EIF3E: variants seen among roughly 807,000 people sequenced by gnomAD.
The protein encoded by EIF3E is eukaryotic translation initiation factor 3 subunit E.
Under a neutral mutation model 59.3 loss-of-function variants are expected in EIF3E, and 25 were observed. That is an observed-to-expected ratio of 0.42 (90% confidence interval 0.31 to 0.59). EIF3E has a LOEUF of 0.59. Ranked by LOEUF, EIF3E falls within the 20% of genes least tolerant of loss-of-function variation. EIF3E has a pLI of 0.15. For missense variants in EIF3E, 317 were observed against 534.3 expected (o/e 0.59, Z 4.01); for synonymous variants, 176 against 170.2 (o/e 1.03, Z -0.26).
rs1335208384 is a variant in EIF3E, at chr8:108,248,707, C to A, written c.-5G>T. 1 of 1,614,080 alleles carries A rather than the reference C, an allele frequency of 6.2e-7. No homozygotes were observed. The highest frequency in any genetic ancestry group is 8.5e-7 in the Non-Finnish European group (1 of 1,179,966). ...AGTCAAGTCGTACTCCGCCATCTTG[C>A]CAAAGAAAAGGGAGTCTGTGCTCAC... On this transcript the variant is annotated 5_prime_UTR_variant, in exon 1 of 13. Coordinates refer to ENST00000220849, the MANE Select transcript of EIF3E (RefSeq NM_001568.3).
chr8:108,238,331 C>A (rs1203199623), intron 3 of EIF3E, among the ~76,000 whole-genome samples: 1 of 152,068 alleles, frequency 6.6e-6, no homozygotes, highest in African/African-American at 2.4e-5. Flanking sequence ...ACCTTGCCTA[C>A]CCCCTACTCA....
chr8:108,246,622 A>G (rs1235223015), intron 1 of EIF3E, among the ~76,000 whole-genome samples: 2 of 152,042 alleles, frequency 1.3e-5, no homozygotes, highest in Non-Finnish European at 2.9e-5. Context: ...CTTTTTTTCA[A>G]TAAAAGTTAC....
chr8:108,207,830 G>C (rs566206259), intron 10 of EIF3E, among the ~76,000 whole-genome samples: 2 of 152,204 alleles, frequency 1.3e-5, no homozygotes, highest in African/African-American at 4.8e-5. Context: ...TTCATCCTCA[G>C]TTCAATTTAA....
chr8:108,214,551 G>A, intron 10 of EIF3E, 56 bp downstream of exon 10: 1 of 1,321,408 alleles, frequency 7.6e-7, no homozygotes, highest in Non-Finnish European at 1.0e-6. Flanking sequence ...CACAATAAAT[G>A]GAAATTTCCA....
chr8:108,233,339 T>C (rs1815658504), intron 5 of EIF3E: 1 of 152,126 alleles, frequency 6.6e-6, no homozygotes, highest in East Asian at 1.9e-4. Flanking sequence ...GTAATACTAA[T>C]CTCTCCCTCC....
intron 7 of EIF3E, among the ~76,000 whole-genome samples, chr8:108,224,925 A>G (rs897966940): frequency 1.2e-4 from 18 of 151,686 alleles, no homozygotes; most frequent in Non-Finnish European, 2.4e-4. Context: ...AGTTTCAACT[A>G]TGTCCTTGAA....
intron 5 of EIF3E, chr8:108,233,249 A>G (rs1815656955): frequency 2.0e-5 from 3 of 152,348 alleles, no homozygotes; most frequent in African/African-American, 7.2e-5. Flanking sequence ...ATAAACAGAA[A>G]ATCTTTTTCT....
intron 1 of EIF3E, among the ~76,000 whole-genome samples, chr8:108,245,980 C>A (rs1815940637): frequency 6.6e-6 from 1 of 152,138 alleles, no homozygotes; most frequent in East Asian, 1.9e-4. Flanking sequence ...TAGCCCCAAT[C>A]CTATATTTAC....
chr8:108,209,272 T>C (rs745742718), intron 10 of EIF3E, among the ~76,000 whole-genome samples: 1 of 152,060 alleles, frequency 6.6e-6, no homozygotes, highest in Non-Finnish European at 1.5e-5. Flanking sequence ...CATAAACTAG[T>C]GAATGGAATA....
intron 1 of EIF3E, among the ~76,000 whole-genome samples, chr8:108,246,173 G>C (rs1563639822): frequency 6.6e-6 from 1 of 151,272 alleles, no homozygotes; most frequent in Admixed American, 6.6e-5. Flanking sequence ...CTACTACCCA[G>C]AAGGGCGAAC....
At chr8:108,229,872 A>G (rs546833949) in intron 5 of EIF3E, among the ~76,000 whole-genome samples, 2 of 152,256 alleles carry the variant, frequency 1.3e-5, no homozygotes, top group African/African-American at 2.4e-5. Flanking sequence ...CATGAAACCT[A>G]TAAATTTTAC....
intron 3 of EIF3E, 64 bp from the exon 4 acceptor site, chr8:108,236,267 C>T (rs1169137868): frequency 1.5e-6 from 2 of 1,326,646 alleles, no homozygotes; most frequent in Non-Finnish European, 2.1e-6. Context: ...TAAGCATATC[C>T]AACTTCTAAG....
intron 10 of EIF3E, among the ~76,000 whole-genome samples, chr8:108,210,697 T>G (rs577202798): frequency 1.1e-4 from 17 of 152,294 alleles, no homozygotes; most frequent in South Asian, 1.0e-3. Context: ...GCTGCACCCA[T>G]TAACTCGTCA....
chr8:108,232,440 G>C (rs951443425), intron 5 of EIF3E, among the ~76,000 whole-genome samples: 6 of 152,174 alleles, frequency 3.9e-5, no homozygotes, highest in African/African-American at 1.4e-4. Context: ...TCCAGCACAA[G>C]ATTTGTTAGG....
At chr8:108,204,519 C>T (rs932527927) in intron 10 of EIF3E, among the ~76,000 whole-genome samples, 24 of 151,824 alleles carry the variant, frequency 1.6e-4, no homozygotes, top group Non-Finnish European at 5.9e-5. Flanking sequence ...TCCCAGAATT[C>T]ACCACTATAT....
intron 7 of EIF3E, 76 bp from the exon 8 acceptor site, chr8:108,217,536 T>C: frequency 2.4e-6 from 3 of 1,258,772 alleles, no homozygotes; most frequent in Non-Finnish European, 3.3e-6. Flanking sequence ...GGTCATTAGA[T>C]TGTACTATTT....
chr8:108,216,665 T>C, intron 8 of EIF3E, 152 bp from the exon 9 acceptor site: 1 of 617,732 alleles, frequency 1.6e-6, no homozygotes, highest in Non-Finnish European at 2.8e-6. Context: ...GTTCCTATCC[T>C]GATTCCAGAC....
At chr8:108,245,627 T>C (rs1815934043) in intron 1 of EIF3E, among the ~76,000 whole-genome samples, 2 of 152,230 alleles carry the variant, frequency 1.3e-5, no homozygotes, top group Admixed American at 6.5e-5. Flanking sequence ...CTGCTCTGAC[T>C]GCACAGAGGT....
chr8:108,228,980 A>T, intron 6 of EIF3E, 90 bp downstream of exon 6: 2 of 1,335,520 alleles, frequency 1.5e-6, no homozygotes, highest in Non-Finnish European at 9.8e-7. Context: ...TTTTTTTTTA[A>T]TTCCCAAAAT....
Sources: allele counts gnomAD v4.1 joint callset (sites outside exome capture counted in the v4.1 genomes callset), GRCh38; gene constraint gnomAD v4.1.1; transcripts MANE v1.5; gene names NCBI Gene and HGNC (gene_info 2026-07-23, HGNC 2026-07-21).